Variants in NLGN1 observed in about 807,000 individuals in gnomAD.
NLGN1 encodes neuroligin-1.
NLGN1 carries 12 observed loss-of-function variants against 65.5 expected under a neutral mutation model. The ratio of observed to expected loss-of-function variants is 0.18; its 90% CI spans 0.12 to 0.30. The LOEUF is 0.30. Ranked by LOEUF, NLGN1 falls within the 10% of genes least tolerant of loss-of-function variation. NLGN1 has a pLI of 1.00. For missense variants in NLGN1, 750 were observed against 1,007.1 expected (o/e 0.74, Z 3.46); for synonymous variants, 350 against 359.5 (o/e 0.97, Z 0.30).
At chr3:173,944,751 T>A (rs551698546) in intron 4 of NLGN1, among the ~76,000 whole-genome samples, 3 of 152,338 alleles carry the variant, frequency 2.0e-5, no homozygotes, top group Non-Finnish European at 4.4e-5. Context: ...TCTGGTCTGA[T>A]AATTTAATGC....
rs181275320 is a variant in NLGN1, at chr3:174,012,458, C to G, written c.646+204626C>G. On this transcript the variant is annotated intron_variant, in intron 4 of 6. Coordinates refer to ENST00000457714, the Ensembl canonical transcript of NLGN1. ...AAAAGGCACAAGCCCTTACCTTCAG[C>G]TTCTGAGAGAATAATTAGTAGAATA... Among the ~76,000 whole-genome samples the G allele has an allele frequency of 6.6e-5, 10 of 152,270 alleles. No individual in the cohort carries two copies. The East Asian group carries it at 1.9e-3, about 29-fold the overall frequency.
At chr3:174,201,064 T>A (rs1350555075) in intron 4 of NLGN1, among the ~76,000 whole-genome samples, 1 of 151,786 alleles carries the variant, frequency 6.6e-6, no homozygotes, top group African/African-American at 2.4e-5. Flanking sequence ...TAATGAAACC[T>A]CCTTTCTACA....
intron 4 of NLGN1, among the ~76,000 whole-genome samples, chr3:173,965,432 T>C (rs1256570191): frequency 6.6e-6 from 1 of 151,580 alleles, no homozygotes; most frequent in Non-Finnish European, 1.5e-5. Flanking sequence ...ATTCTCATGC[T>C]TCAGCCTCTG....
chr3:173,703,058 G>T (rs889493242), intron 3 of NLGN1, among the ~76,000 whole-genome samples: 2 of 151,344 alleles, frequency 1.3e-5, no homozygotes, highest in African/African-American at 4.8e-5. Context: ...ATTTTTGTTG[G>T]TATTATGTTA....
chr3:173,639,741 G>A (rs1445450867), intron 3 of NLGN1, among the ~76,000 whole-genome samples: 1 of 152,144 alleles, frequency 6.6e-6, no homozygotes, highest in Non-Finnish European at 1.5e-5. Flanking sequence ...GTTCACAACT[G>A]GAAGCCCAGG....
At chr3:174,226,360 AG>A (rs1341032674) in intron 4 of NLGN1, among the ~76,000 whole-genome samples, 2 of 152,134 alleles carry the variant, frequency 1.3e-5, no homozygotes. Flanking sequence ...ACTGTGCCAA[AG>A]GCTGGACTAG....
At chr3:173,699,976 A>G (rs1766876622) in intron 3 of NLGN1, among the ~76,000 whole-genome samples, 1 of 152,210 alleles carries the variant, frequency 6.6e-6, no homozygotes, top group Non-Finnish European at 1.5e-5. Context: ...ACTTTGGCTG[A>G]AAAGAGCTAA....
chr3:173,456,703 T>C (rs1560281263), intron 2 of NLGN1, among the ~76,000 whole-genome samples: 1 of 151,964 alleles, frequency 6.6e-6, no homozygotes, highest in Non-Finnish European at 1.5e-5. Context: ...ATAGTAACAG[T>C]AGAAAGCCAA....
At chr3:174,102,525 G>A (rs1287080142) in intron 4 of NLGN1, among the ~76,000 whole-genome samples, 1 of 152,062 alleles carries the variant, frequency 6.6e-6, no homozygotes, top group African/African-American at 2.4e-5. Flanking sequence ...CTCTTTCCAA[G>A]TGTAATTGTT....
chr3:173,884,113 T>A (rs1733886600), intron 4 of NLGN1, among the ~76,000 whole-genome samples: 1 of 152,134 alleles, frequency 6.6e-6, no homozygotes. Flanking sequence ...TTGTTTGGCC[T>A]TTATCGTGCT....
intron 4 of NLGN1, among the ~76,000 whole-genome samples, chr3:174,140,189 C>T (rs1426112544): frequency 6.6e-6 from 1 of 152,030 alleles, no homozygotes; most frequent in African/African-American, 2.4e-5. Flanking sequence ...AGGCTTTAAA[C>T]ATAGAGTTCA....
At chr3:174,155,591 G>T (rs1318279345) in intron 4 of NLGN1, among the ~76,000 whole-genome samples, 1 of 151,802 alleles carries the variant, frequency 6.6e-6, no homozygotes, top group Non-Finnish European at 1.5e-5. Context: ...TACTAAGGTT[G>T]TAATGGAGTT....
chr3:173,708,867 A>T (rs1229351729), intron 3 of NLGN1, among the ~76,000 whole-genome samples: 4 of 152,236 alleles, frequency 2.6e-5, no homozygotes, highest in African/African-American at 9.6e-5. Flanking sequence ...TCAATTATAT[A>T]TGCTTTAGGA....
intron 3 of NLGN1, among the ~76,000 whole-genome samples, chr3:173,792,745 A>G (rs1713089935): frequency 6.6e-6 from 1 of 152,138 alleles, no homozygotes; most frequent in Non-Finnish European, 1.5e-5. Flanking sequence ...CAATAGGAAT[A>G]AGGAAATAGT....
chr3:173,397,242 T>G (rs1716765265), upstream of NLGN1, among the ~76,000 whole-genome samples: 1 of 152,038 alleles, frequency 6.6e-6, no homozygotes, highest in Admixed American at 6.5e-5. Flanking sequence ...ACCAATACAT[T>G]TTACTTGGAG....
chr3:174,232,035 C>T (rs983076636), intron 4 of NLGN1, among the ~76,000 whole-genome samples: 1 of 152,130 alleles, frequency 6.6e-6, no homozygotes, highest in East Asian at 1.9e-4. Context: ...CTTTCATGCG[C>T]GTCTGTGTGA....
At chr3:173,497,833 C>G (rs1395606963) in intron 2 of NLGN1, among the ~76,000 whole-genome samples, 1 of 151,764 alleles carries the variant, frequency 6.6e-6, no homozygotes, top group African/African-American at 2.4e-5. Context: ...TTGACTATGA[C>G]AGTTATTTTA....
intron 4 of NLGN1, chr3:173,920,815 GAAAC>G (rs1560634248): frequency 6.6e-6 from 1 of 151,350 alleles, no homozygotes; most frequent in Non-Finnish European, 1.5e-5. Context: ...GAGAGAGATA[GAAAC>G]AGAGAGAGAG....
intron 2 of NLGN1, among the ~76,000 whole-genome samples, chr3:173,482,603 T>C (rs1727482557): frequency 6.6e-6 from 1 of 152,006 alleles, no homozygotes. Flanking sequence ...GGTCTCTTAA[T>C]TTTTTGAACA....
Sources: gnomAD v4.1 joint callset for allele counts (sites outside exome capture counted in the v4.1 genomes callset) on GRCh38, gnomAD v4.1.1 for gene constraint, MANE v1.5 for transcripts, NCBI Gene and HGNC (gene_info 2026-07-23, HGNC 2026-07-21) for gene names.